The following FMN2 variants were observed in gnomAD, a reference collection of about 807,000 sequenced individuals.
The protein encoded by FMN2 is formin-2.
FMN2 carries 51 observed loss-of-function variants against 142.3 expected under a neutral mutation model. The ratio of observed to expected loss-of-function variants is 0.36; its 90% CI spans 0.29 to 0.45. The LOEUF (loss-of-function observed/expected upper bound fraction) is 0.45, where lower values mean the gene tolerates loss of function less well. FMN2 is among the 20% of genes least tolerant of loss of function. The pLI is 1.00. For synonymous variants in FMN2, 882 were observed against 869.8 expected (o/e 1.01, Z -0.25); for missense variants, 1,936 against 2,122.8 (o/e 0.91, Z 1.73).
chr1:240,455,455 T>C (rs1216640727), intron 16 of FMN2, among the ~76,000 whole-genome samples: 1 of 152,178 alleles, frequency 6.6e-6, no homozygotes, highest in Non-Finnish European at 1.5e-5. Flanking sequence ...ATGGTATTGA[T>C]GCTGCTAATG....
At chr1:240,256,624 A>G (rs1668459248) in intron 6 of FMN2, among the ~76,000 whole-genome samples, 1 of 150,282 alleles carries the variant, frequency 6.7e-6, no homozygotes, top group East Asian at 2.0e-4. Flanking sequence ...GGTGGCATGC[A>G]CCTGTAATCC....
chr1:240,184,726 C>A (rs531837807), intron 3 of FMN2, among the ~76,000 whole-genome samples: 1 of 151,832 alleles, frequency 6.6e-6, no homozygotes, highest in African/African-American at 2.4e-5. Flanking sequence ...TGCCCTGGAT[C>A]CTGGGAGGAG....
At chr1:240,396,383 T>C (rs777634459) in intron 15 of FMN2, among the ~76,000 whole-genome samples, 1 of 150,848 alleles carries the variant, frequency 6.6e-6, no homozygotes, top group Non-Finnish European at 1.5e-5. Flanking sequence ...GATTGTAAAA[T>C]TGGCAAGTCT....
chr1:240,130,263 T>C (rs1662682658), intron 2 of FMN2, among the ~76,000 whole-genome samples: 1 of 152,196 alleles, frequency 6.6e-6, no homozygotes, highest in Admixed American at 6.5e-5. Context: ...CAAACAAGGA[T>C]TTTCCTGGGT....
chr1:240,132,844 G>A (rs973738558), intron 2 of FMN2, among the ~76,000 whole-genome samples: 3 of 152,174 alleles, frequency 2.0e-5, no homozygotes, highest in Admixed American at 6.5e-5. Context: ...GTTTGGCTTG[G>A]ATGATCACAT....
At chr1:240,137,195 A>G (rs1571968672) in intron 2 of FMN2, among the ~76,000 whole-genome samples, 1 of 148,852 alleles carries the variant, frequency 6.7e-6, no homozygotes. Context: ...GTTTTTTTTT[A>G]GGTCCTCCCA....
chr1:240,388,010 T>C (rs1006611308), intron 14 of FMN2, among the ~76,000 whole-genome samples: 6 of 151,764 alleles, frequency 4.0e-5, no homozygotes, highest in East Asian at 1.9e-4. Context: ...ACCCCGTTTC[T>C]ACTAAAAATA....
intron 1 of FMN2, among the ~76,000 whole-genome samples, chr1:240,115,233 CAT>C (rs1029971668): frequency 4.6e-5 from 7 of 151,974 alleles, no homozygotes; most frequent in South Asian, 2.1e-4. Context: ...AGTTAGCAGT[CAT>C]GTGTATAAAG....
chr1:240,156,923 C>T (rs1024177342), intron 2 of FMN2, among the ~76,000 whole-genome samples: 13 of 152,098 alleles, frequency 8.5e-5, no homozygotes, highest in Admixed American at 3.3e-4. Context: ...AGAGGATTTA[C>T]GTTGCTATTT....
chr1:240,107,739 T>C (rs1661667024), intron 1 of FMN2, among the ~76,000 whole-genome samples: 1 of 151,758 alleles, frequency 6.6e-6, no homozygotes, highest in African/African-American at 2.4e-5. Flanking sequence ...ATAGTGTCTT[T>C]TTCTCTCTTC....
At chr1:240,293,483 G>A (rs1314805895) in intron 7 of FMN2, among the ~76,000 whole-genome samples, 2 of 152,108 alleles carry the variant, frequency 1.3e-5, no homozygotes, top group East Asian at 3.9e-4. Flanking sequence ...TAAATTTACT[G>A]TTTTTACTTG....
intron 10 of FMN2, 50 bp from the exon 11 acceptor site, chr1:240,330,551 CAA>C (rs1407121126): frequency 6.1e-5 from 96 of 1,581,772 alleles, no homozygotes; most frequent in Non-Finnish European, 7.1e-5. Context: ...ATGATTCAAA[CAA>C]AACCTGGTAT....
chr1:240,339,878 T>C (rs1002223836), intron 13 of FMN2, among the ~76,000 whole-genome samples: 1 of 151,982 alleles, frequency 6.6e-6, no homozygotes, highest in African/African-American at 2.4e-5. Context: ...TTTCTGGTTG[T>C]CTATTTGATA....
At chr1:240,157,306 T>C (rs1045120130) in intron 2 of FMN2, among the ~76,000 whole-genome samples, 3 of 152,222 alleles carry the variant, frequency 2.0e-5, no homozygotes, top group Admixed American at 6.5e-5. Flanking sequence ...GCTTCGTGTA[T>C]GTCTGTGGTA....
At chr1:240,274,617 G>T (rs2102926264) in intron 7 of FMN2, among the ~76,000 whole-genome samples, 1 of 152,198 alleles carries the variant, frequency 6.6e-6, no homozygotes, top group Admixed American at 6.5e-5. Flanking sequence ...TCTTCCAAGG[G>T]ATGCTCTGCT....
chr1:240,099,640 G>C (rs1238340670), intron 1 of FMN2, among the ~76,000 whole-genome samples: 2 of 152,048 alleles, frequency 1.3e-5, no homozygotes, highest in Non-Finnish European at 2.9e-5. Context: ...TCCCGACTTT[G>C]TGCCTTTGTC....
rs1668345592 is a variant in FMN2, at chr1:240,253,331, G to A, written c.4066-4614G>A. On this transcript the variant is annotated intron_variant, in intron 6 of 17. Transcript: ENST00000319653. ...CTGACTAGGTTATTTCAAAAGACCT[G>A]TCTTCAAGTTCTAAAATTCTTTCTT... is the stretch of plus-strand genomic sequence containing the variant. Among the ~76,000 whole-genome samples, 6 of 152,118 alleles carry A rather than the reference G, an allele frequency of 3.9e-5. No individual in the cohort carries two copies. In the South Asian group the frequency reaches 1.2e-3, roughly 32 times the overall value.
chr1:240,111,685 G>A (rs1297510349), intron 1 of FMN2, among the ~76,000 whole-genome samples: 1 of 152,036 alleles, frequency 6.6e-6, no homozygotes, highest in African/African-American at 2.4e-5. Flanking sequence ...TGTATCTTGT[G>A]CTGACCTCCT....
In FMN2 at chr1:240,377,138, A is replaced by G. The variant is rs553658753; in HGVS notation, c.4859-15373A>G. On this transcript the variant is annotated intron_variant, in intron 14 of 17. Coordinates refer to ENST00000319653, the MANE Select transcript of FMN2 (RefSeq NM_020066.5). ...TTTCCAGTTTATTTCACTCATTTGC[A>G]TAGATCCAGCTTTTCATTAGGTATC... Among the ~76,000 whole-genome samples, 73 of 152,316 alleles carry G rather than the reference A, an allele frequency of 4.8e-4. 1 individual carries two copies. The South Asian group carries it at 0.014, about 29-fold the overall frequency.
Sources: allele counts gnomAD v4.1 joint callset (sites outside exome capture counted in the v4.1 genomes callset), GRCh38; gene constraint gnomAD v4.1.1; transcripts MANE v1.5; gene names NCBI Gene and HGNC (gene_info 2026-07-23, HGNC 2026-07-21).